Variants in ABCC4 observed in about 807,000 individuals in gnomAD.
ABCC4 encodes ATP binding cassette subfamily C member 4 (PEL blood group).
In ABCC4, 102 loss-of-function variants were observed where a neutral mutation model predicts 168.5. The ratio of observed to expected loss-of-function variants is 0.61; its 90% confidence interval spans 0.52 to 0.71. The LOEUF (loss-of-function observed/expected upper bound fraction) is 0.71. ABCC4 is among the 30% of genes least tolerant of loss of function. ABCC4 has a pLI of 0.00. For synonymous variants in ABCC4, 617 were observed against 590.7 expected (o/e 1.04, Z -0.65); for missense variants, 1,402 against 1,605.8 (o/e 0.87, Z 2.17).
At chr13:95,149,588 T>C (rs2036608398) in intron 19 of ABCC4, among the ~76,000 whole-genome samples, 1 of 152,178 alleles carries the variant, frequency 6.6e-6, no homozygotes, top group Non-Finnish European at 1.5e-5. Flanking sequence ...AGCAACCATT[T>C]CCTTCCTTCT....
chr13:95,096,734 T>C (rs960543552), intron 20 of ABCC4, among the ~76,000 whole-genome samples: 7 of 151,712 alleles, frequency 4.6e-5, no homozygotes, highest in African/African-American at 1.7e-4. Context: ...AAAAACAAAG[T>C]TGAAATAAAG....
chr13:95,163,532 C>T (rs2037166461), intron 17 of ABCC4, 78 bp downstream of exon 17: 1 of 1,280,332 alleles, frequency 7.8e-7, no homozygotes, highest in Admixed American at 2.0e-5. Context: ...CAACAAACAC[C>T]TCCCTCTAAC....
At chr13:95,024,372 G>C (rs2031279510) in intron 30 of ABCC4, among the ~76,000 whole-genome samples, 2 of 152,076 alleles carry the variant, frequency 1.3e-5, no homozygotes, top group South Asian at 4.2e-4. Flanking sequence ...AGTGAGTATG[G>C]GAAACCTTGT....
chr13:95,267,556 G>C (rs879571027), intron 1 of ABCC4, among the ~76,000 whole-genome samples: 10 of 152,166 alleles, frequency 6.6e-5, no homozygotes, highest in Admixed American at 3.3e-4. Context: ...ATGGTGACAA[G>C]GGGCTGGGTG....
At chr13:95,252,893 A>G (rs2040302643) in intron 1 of ABCC4, among the ~76,000 whole-genome samples, 1 of 152,168 alleles carries the variant, frequency 6.6e-6, no homozygotes, top group Non-Finnish European at 1.5e-5. Flanking sequence ...CCTTCCATGA[A>G]CTTTCTCTAT....
chr13:95,266,677 G>A (rs1005483148), intron 1 of ABCC4, among the ~76,000 whole-genome samples: 7 of 152,052 alleles, frequency 4.6e-5, no homozygotes, highest in Admixed American at 6.6e-5. Flanking sequence ...ACAGGCTCTC[G>A]GGAGCCAGCC....
chr13:95,264,800 T>C (rs111898942), intron 1 of ABCC4, among the ~76,000 whole-genome samples: 164 of 151,894 alleles, frequency 1.1e-3, no homozygotes, highest in African/African-American at 3.5e-3. Flanking sequence ...TGATGGAAAG[T>C]GCCTTTTTAT....
intron 19 of ABCC4, among the ~76,000 whole-genome samples, chr13:95,118,283 C>T (rs897685192): frequency 1.5e-4 from 22 of 149,992 alleles, no homozygotes; most frequent in African/African-American, 4.9e-4. Flanking sequence ...GATGGAGTCT[C>T]ACTCTGTTGC....
chr13:95,202,550 G>A (rs552567030), intron 8 of ABCC4, among the ~76,000 whole-genome samples: 4 of 152,236 alleles, frequency 2.6e-5, no homozygotes, highest in Admixed American at 2.0e-4. Flanking sequence ...CCACCTGTTG[G>A]GGCTGCTCTT....
chr13:95,297,975 T>A (rs779583330), intron 1 of ABCC4, among the ~76,000 whole-genome samples: 4 of 141,362 alleles, frequency 2.8e-5, no homozygotes, highest in Non-Finnish European at 4.8e-5. Context: ...TTTCTCACTA[T>A]GAGGCCTCAG....
chr13:95,276,181 A>G (rs2040965966), intron 1 of ABCC4, among the ~76,000 whole-genome samples: 1 of 152,136 alleles, frequency 6.6e-6, no homozygotes, highest in Admixed American at 6.6e-5. Context: ...TGAGGGGCCA[A>G]GGCAGGAGGA....
intron 27 of ABCC4, among the ~76,000 whole-genome samples, chr13:95,049,662 AAAAT>A (rs1200517300): frequency 1.1e-4 from 17 of 150,954 alleles, no homozygotes; most frequent in Admixed American, 2.6e-4. Context: ...TAAATAAATA[AAAAT>A]AAATAAATAA....
At chr13:95,248,238 A>G (rs1566567207) in intron 1 of ABCC4, among the ~76,000 whole-genome samples, 1 of 152,250 alleles carries the variant, frequency 6.6e-6, no homozygotes, top group Non-Finnish European at 1.5e-5. Context: ...CATGACAGCA[A>G]TGAATTCTAA....
intron 4 of ABCC4, among the ~76,000 whole-genome samples, chr13:95,219,486 G>A (rs1007352682): frequency 2.6e-5 from 4 of 152,152 alleles, no homozygotes; most frequent in African/African-American, 9.7e-5. Flanking sequence ...CCATTGAAGA[G>A]GAAGAAAAAA....
intron 25 of ABCC4, 43 bp from the exon 26 acceptor site, chr13:95,062,902 A>ATC: frequency 1.9e-6 from 2 of 1,074,878 alleles, no homozygotes; most frequent in Non-Finnish European, 2.7e-6. Flanking sequence ...AAAAAAGAAA[A>ATC]AAATCACAGG....
intron 19 of ABCC4, among the ~76,000 whole-genome samples, chr13:95,119,062 T>C (rs2035474684): frequency 6.6e-6 from 1 of 152,204 alleles, no homozygotes; most frequent in Non-Finnish European, 1.5e-5. Flanking sequence ...GAATGCCTGG[T>C]AGCCAGGATT....
intron 30 of ABCC4, among the ~76,000 whole-genome samples, chr13:95,028,859 G>T (rs1453495934): frequency 6.6e-6 from 1 of 151,930 alleles, no homozygotes; most frequent in South Asian, 2.1e-4. Flanking sequence ...TAAATACTAG[G>T]TAGCCATTAA....
chr13:95,284,905 G>GCC (rs113039840), intron 1 of ABCC4, among the ~76,000 whole-genome samples: 3 of 152,144 alleles, frequency 2.0e-5, no homozygotes, highest in Non-Finnish European at 4.4e-5. Flanking sequence ...ACTTAGAATA[G>GCC]CCCCCCTGCC....
intron 4 of ABCC4, among the ~76,000 whole-genome samples, chr13:95,212,619 T>C (rs561250839): frequency 6.6e-6 from 1 of 152,282 alleles, no homozygotes; most frequent in East Asian, 1.9e-4. Flanking sequence ...AAAGTTCTTC[T>C]GGGTGCACCA....
Sources: allele counts gnomAD v4.1 joint callset (sites outside exome capture counted in the v4.1 genomes callset), GRCh38; gene constraint gnomAD v4.1.1; transcripts MANE v1.5; gene names NCBI Gene and HGNC (gene_info 2026-07-23, HGNC 2026-07-21).